LRGUK: variants seen among roughly 807,000 people sequenced by gnomAD.
LRGUK encodes leucine rich repeats and guanylate kinase domain containing.
Under a neutral mutation model 76.0 loss-of-function variants are expected in LRGUK, and 65 were observed. That is an observed-to-expected ratio of 0.85 (90% confidence interval 0.70 to 1.05). LRGUK has a LOEUF of 1.05. LRGUK is among the 50% of genes least tolerant of loss of function. LRGUK has a pLI of 0.00. For missense variants in LRGUK, 758 were observed against 732.8 expected (o/e 1.03, Z -0.40); for synonymous variants, 268 against 265.6 (o/e 1.01, Z -0.09).
At chr7:134,228,304 G>A (rs1328562436) in intron 16 of LRGUK, among the ~76,000 whole-genome samples, 1 of 152,008 alleles carries the variant, frequency 6.6e-6, no homozygotes, top group African/African-American at 2.4e-5. Context: ...CAAAGAAACA[G>A]AATTTGTCAC....
chr7:134,245,120 G>T (rs1438575098), intron 16 of LRGUK, among the ~76,000 whole-genome samples: 4 of 152,056 alleles, frequency 2.6e-5, no homozygotes, highest in Non-Finnish European at 5.9e-5. Context: ...CACCAACATG[G>T]CACATGTATA....
chr7:134,247,638 T>C (rs1490848051), exon 17 of LRGUK: 2 of 1,611,690 alleles, frequency 1.2e-6, no homozygotes, highest in East Asian at 4.5e-5. Flanking sequence ...ACACTCCTAT[T>C]TCAAAGGTAG....
At position 134,232,560 on chromosome 7, in the gene LRGUK, A is replaced by G. The variant is rs368627041; in HGVS notation, c.1983+10642A>G. Among the ~76,000 whole-genome samples the G allele has an allele frequency of 2.4e-3, 365 of 152,254 alleles. 3 individuals are homozygous for G. Among genetic ancestry groups the G allele is most frequent in the South Asian group, 6.8e-3 (33 of 4,822 alleles). On this transcript the variant is annotated intron_variant, in intron 16 of 19. Coordinates refer to the LRGUK transcript ENST00000285928. ...CCCAAAGTGCTGGGATTACAAGCAT[A>G]AGCCACCGCACCAGGCCCTTTATTT...
chr7:134,175,488 A>C (rs547792836), intron 8 of LRGUK, among the ~76,000 whole-genome samples: 12 of 152,320 alleles, frequency 7.9e-5, no homozygotes, highest in Non-Finnish European at 1.6e-4. Flanking sequence ...GCAGGGCTTA[A>C]AGTGGCCAGC....
intron 16 of LRGUK, among the ~76,000 whole-genome samples, chr7:134,238,095 A>G (rs1901216): frequency 0.072 from 10,970 of 152,236 alleles, 971 homozygotes; most frequent in African/African-American, 0.2. Flanking sequence ...CTATCAAAGC[A>G]TAGTCATTGA....
chr7:134,132,346 C>A (rs1301348745), intron 1 of LRGUK, among the ~76,000 whole-genome samples: 2 of 151,756 alleles, frequency 1.3e-5, no homozygotes, highest in Non-Finnish European at 2.9e-5. Context: ...CAGAGAAAGA[C>A]CTTGTCTCAA....
At chr7:134,257,812 A>G (rs1050982631) in intron 18 of LRGUK, among the ~76,000 whole-genome samples, 2 of 148,138 alleles carry the variant, frequency 1.4e-5, no homozygotes, top group African/African-American at 4.9e-5. Flanking sequence ...TCCAAAAACA[A>G]AAAAAAAAAG....
intron 15 of LRGUK, among the ~76,000 whole-genome samples, chr7:134,202,054 C>A (rs1177826933): frequency 6.6e-6 from 1 of 152,144 alleles, no homozygotes; most frequent in Non-Finnish European, 1.5e-5. Flanking sequence ...TAGCCCTGTG[C>A]TCTCTTGGGT....
At chr7:134,236,277 T>A (rs1585588402) in intron 16 of LRGUK, among the ~76,000 whole-genome samples, 1 of 152,308 alleles carries the variant, frequency 6.6e-6, no homozygotes, top group East Asian at 1.9e-4. Flanking sequence ...ATTCTGACTC[T>A]GTAGTAACCA....
At chr7:134,189,697 C>T (rs1241563468) in intron 11 of LRGUK, among the ~76,000 whole-genome samples, 4 of 152,168 alleles carry the variant, frequency 2.6e-5, no homozygotes, top group Non-Finnish European at 1.5e-5. Flanking sequence ...TGCAAGGGTG[C>T]CAAGCTATTG....
intron 12 of LRGUK, among the ~76,000 whole-genome samples, chr7:134,193,603 T>C (rs1454800086): frequency 2.0e-5 from 3 of 152,204 alleles, no homozygotes; most frequent in Non-Finnish European, 4.4e-5. Context: ...TGATAACATA[T>C]ATATACATTT....
At chr7:134,212,432 G>T (rs1369011168), downstream of LRGUK, among the ~76,000 whole-genome samples, 2 of 152,194 alleles carry the variant, frequency 1.3e-5, no homozygotes, top group South Asian at 2.1e-4. Flanking sequence ...ATGACTAAAT[G>T]CCTGTGTAAA....
chr7:134,239,992 A>T (rs1282391388), intron 16 of LRGUK, among the ~76,000 whole-genome samples: 1 of 152,228 alleles, frequency 6.6e-6, no homozygotes, highest in Admixed American at 6.5e-5. Context: ...GAGGGTTCTG[A>T]CTGTTAGAAG....
chr7:134,223,973 G>T (rs1801667456), intron 16 of LRGUK, among the ~76,000 whole-genome samples: 1 of 152,076 alleles, frequency 6.6e-6, no homozygotes, highest in South Asian at 2.1e-4. Context: ...CTATACCTGG[G>T]GTAATGGGTA....
At chr7:134,154,734 G>T (rs1351167848) in intron 5 of LRGUK, among the ~76,000 whole-genome samples, 3 of 152,248 alleles carry the variant, frequency 2.0e-5, no homozygotes, top group Admixed American at 6.5e-5. Context: ...CCATAGGTAT[G>T]ATTGCAGTGA....
At chr7:134,205,468 A>C (rs1800964815) in intron 15 of LRGUK, among the ~76,000 whole-genome samples, 1 of 152,170 alleles carries the variant, frequency 6.6e-6, no homozygotes, top group South Asian at 2.1e-4. Context: ...GAGCTGGGTC[A>C]CTCTGATTTT....
chr7:134,151,457 C>G (rs1438993595), intron 5 of LRGUK, among the ~76,000 whole-genome samples: 1 of 151,898 alleles, frequency 6.6e-6, no homozygotes, highest in Non-Finnish European at 1.5e-5. Context: ...GCCTAGACCC[C>G]AAATTTTCAA....
intron 12 of LRGUK, among the ~76,000 whole-genome samples, chr7:134,196,154 T>C (rs1800478009): frequency 1.3e-5 from 2 of 152,226 alleles, no homozygotes; most frequent in Admixed American, 1.3e-4. Context: ...ATATGAGAAG[T>C]CACTCTTGCC....
intron 16 of LRGUK, among the ~76,000 whole-genome samples, chr7:134,241,029 A>G (rs13310573): frequency 0.13 from 20,306 of 152,130 alleles, 3,289 homozygotes; most frequent in African/African-American, 0.39. Context: ...CACCAGGCCT[A>G]CCTTACAAGA....
Sources: allele counts gnomAD v4.1 joint callset (sites outside exome capture counted in the v4.1 genomes callset), GRCh38; gene constraint gnomAD v4.1.1; transcripts MANE v1.5; gene names NCBI Gene and HGNC (gene_info 2026-07-23, HGNC 2026-07-21).